HDGFL3: variants seen among roughly 807,000 people sequenced by gnomAD.
The protein encoded by HDGFL3 is hepatoma-derived growth factor-related protein 3.
Under a neutral mutation model 27.6 loss-of-function variants are expected in HDGFL3, and 6 were observed. The ratio of observed to expected loss-of-function variants is 0.22; its 90% CI spans 0.12 to 0.43. HDGFL3 has a LOEUF of 0.43. Ranked by LOEUF, HDGFL3 falls within the 20% of genes least tolerant of loss-of-function variation. The probability of loss-of-function intolerance (pLI) is 1.00; values close to 1 mark genes in which losing one functional copy is unlikely to be tolerated. For missense variants in HDGFL3, 207 were observed against 250.1 expected, an observed-to-expected ratio of 0.83 and a Z score of 1.16; for synonymous variants, 88 against 88.9, an observed-to-expected ratio of 0.99 and a Z score of 0.05.
intron 1 of HDGFL3, chr15:83,189,635 A>G (rs1295273315): frequency 1.3e-5 from 2 of 152,100 alleles, no homozygotes; most frequent in Non-Finnish European, 2.9e-5. Context: ...TTACTAATTC[A>G]TATCTCCCCC....
chr15:83,135,231 A>G lies in HDGFL3; in HGVS notation c.*4039T>C, dbSNP rs180688215. 276 of 152,394 alleles carry G rather than the reference A, an allele frequency of 1.8e-3. 1 individual carries two copies. The highest frequency in any genetic ancestry group is 6.3e-3 in the African/African-American group (264 of 41,598). The allele number at this position is 152,394 out of a possible 1,614,324, so 9.4% of individuals were successfully genotyped here. A position where few individuals can be genotyped will look rare whatever the true frequency, so the allele number is the denominator to read the frequency against. ...AAAAAATTCATAAAGATGCTGCTTA[A>G]AAAAACTTGTCCTTTTCTTGTCATG... is the stretch of plus-strand genomic sequence containing the variant. On this transcript the variant is annotated 3_prime_UTR_variant, in exon 6 of 6. Transcript: ENST00000299633.
intron 5 of HDGFL3, among the ~76,000 whole-genome samples, chr15:83,150,401 T>C (rs1414216285): frequency 6.6e-6 from 1 of 151,912 alleles, no homozygotes; most frequent in South Asian, 2.1e-4. Flanking sequence ...AAGCAGAGGA[T>C]AGAGTAGGGC....
chr15:83,122,350 A>G (rs752473285), intron 3 of HDGFL3, among the ~76,000 whole-genome samples: 2 of 152,206 alleles, frequency 1.3e-5, no homozygotes, highest in Non-Finnish European at 2.9e-5. Flanking sequence ...GTACTTGGAA[A>G]TTACAAGTAC....
At chr15:83,115,536 G>T (rs2034578251) in exon 4 of HDGFL3, 1 of 487,396 alleles carries the variant, frequency 2.1e-6, no homozygotes, top group South Asian at 1.8e-5. Context: ...ACTTGTAGGG[G>T]AGTGGAGGAT....
intron 1 of HDGFL3, among the ~76,000 whole-genome samples, chr15:83,200,916 T>C (rs183771398): frequency 1.6e-4 from 24 of 151,628 alleles, no homozygotes; most frequent in African/African-American, 5.6e-4. Context: ...GATGGTTATT[T>C]ACCAGACTAA....
rs1044641044 is a variant in HDGFL3, at chr15:83,207,645, C to G, written c.-231G>C. On this transcript the variant is annotated 5_prime_UTR_variant, in exon 1 of 6. Transcript: ENST00000299633. The surrounding 1 kb of genome is among the most constrained non-coding windows in gnomAD (Gnocchi z 4.8). Reference sequence around the variant, plus strand: ...GCAGCGGGGGAGGGGAGCCCCCGGCCGTTCGGCGCTCGCCCGCGTCCGGCC... The same window carrying G: ...GCAGCGGGGGAGGGGAGCCCCCGGCGGTTCGGCGCTCGCCCGCGTCCGGCC... 5.2e-6 allele frequency: 1 copy of G among 191,956 alleles called. No homozygotes were observed. Among genetic ancestry groups the G allele is most frequent in the African/African-American group, 2.4e-5 (1 of 41,894 alleles). The allele number at this position is 191,956 out of a possible 1,614,324, so 11.9% of individuals were successfully genotyped here.
intron 5 of HDGFL3, among the ~76,000 whole-genome samples, chr15:83,150,868 T>C (rs1194833374): frequency 1.3e-5 from 2 of 152,236 alleles, no homozygotes; most frequent in African/African-American, 2.4e-5. Context: ...ATTTTGAACA[T>C]GCCATTGATT....
At chr15:83,170,575 C>G (rs1218273160) in intron 1 of HDGFL3, among the ~76,000 whole-genome samples, 3 of 152,048 alleles carry the variant, frequency 2.0e-5, no homozygotes, top group African/African-American at 7.2e-5. Context: ...TAACTCAAGA[C>G]GAATTAAAGT....
At position 83,158,052 on chromosome 15, in the gene HDGFL3, A is replaced by G. The variant is rs2151402502; in HGVS notation, c.162-11T>C. On this transcript the variant is annotated splice_polypyrimidine_tract_variant and intron_variant, in intron 2 of 5. Coordinates refer to ENST00000299633, the MANE Select transcript of HDGFL3 (RefSeq NM_016073.4). Reference sequence around the variant, plus strand: ...GGACCTAGAAATGCACTGCAGAGACATATTAGAAATAGAATTGACACACTG... The same window carrying G: ...GGACCTAGAAATGCACTGCAGAGACGTATTAGAAATAGAATTGACACACTG... The G allele has an allele frequency of 1.9e-6, 3 of 1,586,602 alleles. No individual in the cohort carries two copies. The highest frequency in any genetic ancestry group is 1.7e-6 in the Non-Finnish European group (2 of 1,169,120).
chr15:83,153,219 C>T (rs1307788180), intron 4 of HDGFL3, among the ~76,000 whole-genome samples: 1 of 151,964 alleles, frequency 6.6e-6, no homozygotes, highest in African/African-American at 2.4e-5. Context: ...CCAGGATGGT[C>T]TCGTTAGCCA....
At chr15:83,180,987 T>C (rs1036156374) in intron 1 of HDGFL3, 2 of 152,086 alleles carry the variant, frequency 1.3e-5, no homozygotes, top group African/African-American at 2.4e-5. Flanking sequence ...CATGATGATA[T>C]GGAAACACCT....
At chr15:83,167,531 G>A (rs1049353493) in intron 1 of HDGFL3, among the ~76,000 whole-genome samples, 1 of 151,046 alleles carries the variant, frequency 6.6e-6, no homozygotes, top group African/African-American at 2.4e-5. Context: ...GCACCTCCAG[G>A]CCTGGGTGGC....
intron 1 of HDGFL3, among the ~76,000 whole-genome samples, chr15:83,195,076 C>CA (rs981649539): frequency 2.6e-5 from 4 of 151,858 alleles, no homozygotes; most frequent in African/African-American, 9.7e-5. Context: ...TATCGTATGA[C>CA]AAAAAAAGCT....
chr15:83,183,066 T>C (rs1441168041), intron 1 of HDGFL3, among the ~76,000 whole-genome samples: 14 of 152,216 alleles, frequency 9.2e-5, no homozygotes, highest in Admixed American at 9.2e-4. Context: ...TGTTAACAAA[T>C]TGGCTATATC....
At position 83,119,544 on chromosome 15, in the gene HDGFL3, T is replaced by C. The variant is rs185585688; in HGVS notation, c.394-3803A>G. On this transcript the variant is annotated intron_variant, in intron 3 of 3. Transcript: ENST00000568294. The stretch of plus-strand genomic sequence containing the variant: ...TGATGTTCTGCATTTACAGGTCTTA[T>C]TTAAAGTGGACTTCTTTTTAATGCT... 3.3e-6 allele frequency: 5 copies of C among 1,515,084 alleles called. No homozygotes were observed. In the African/African-American group the frequency reaches 4.0e-5, roughly 12 times the overall value. 93.9% of individuals were successfully genotyped at this position (1,515,084 alleles called of 1,614,324 possible).
chr15:83,177,631 A>G (rs1289993900), intron 1 of HDGFL3, among the ~76,000 whole-genome samples: 4 of 152,350 alleles, frequency 2.6e-5, no homozygotes, highest in African/African-American at 9.6e-5. Flanking sequence ...TAATCAATGG[A>G]TAATCTTTGC....
Position 83,207,391 on chromosome 15 carries a change from C to A in HDGFL3, c.24G>T (p.Glu8Asp), listed in dbSNP as rs1469972532. 2 of 1,367,564 alleles carry A rather than the reference C, an allele frequency of 1.5e-6. No individual in the cohort carries two copies. The highest frequency in any genetic ancestry group is 1.9e-6 in the Non-Finnish European group (2 of 1,053,722). 84.7% of individuals were successfully genotyped at this position (1,367,564 alleles called of 1,614,324 possible). MARPRPR[E>D]YKAGDLVFAK... ...CGAAGACCAGGTCGCCCGCTTTGTA[C>A]TCGCGGGGCCGCGGACGCGCCATCC... The change falls in exon 1 of 6, where the codon GAG (glutamate) becomes GAT (aspartate). Residue 8 changes from glutamate (E) to aspartate (D), a missense_variant. Coordinates refer to ENST00000299633, the MANE Select transcript of HDGFL3 (RefSeq NM_016073.4). This position sits in a 1 kb window ranked among gnomAD's most constrained non-coding sequence, Gnocchi z 4.8.
intron 1 of HDGFL3, chr15:83,192,172 C>T (rs150973418): frequency 0.016 from 6,461 of 392,422 alleles, 101 homozygotes; most frequent in Middle Eastern, 0.03. Flanking sequence ...GAACTCCTGA[C>T]CTCAGGTGAT....
chr15:83,190,267 T>C (rs1300760542), intron 1 of HDGFL3, among the ~76,000 whole-genome samples: 1 of 152,078 alleles, frequency 6.6e-6, no homozygotes, highest in Non-Finnish European at 1.5e-5. Context: ...ATGAATCCTG[T>C]TGTTGTAAAA....
Sources: gnomAD v4.1 joint callset for allele counts (sites outside exome capture counted in the v4.1 genomes callset) on GRCh38, gnomAD v4.1.1 for gene constraint, Gnocchi (gnomAD v3.1) non-coding constraint, MANE v1.5 for transcripts, NCBI Gene and HGNC (gene_info 2026-07-23, HGNC 2026-07-21) for gene names.